The following RANBP2 variants were observed in gnomAD, a reference collection of about 807,000 sequenced individuals.
RANBP2 encodes E3 SUMO-protein ligase RanBP2.
Under a neutral mutation model 303.6 loss-of-function variants are expected in RANBP2, and 57 were observed. The ratio of observed to expected loss-of-function variants is 0.19; its 90% confidence interval spans 0.15 to 0.23. The LOEUF (loss-of-function observed/expected upper bound fraction) is 0.23, where lower values mean the gene tolerates loss of function less well. Ranked by LOEUF, RANBP2 falls within the 10% of genes least tolerant of loss-of-function variation. The pLI is 1.00. For synonymous variants in RANBP2, 1,167 were observed against 1,301.5 expected, an observed-to-expected ratio of 0.90 and a Z score of 2.23; for missense variants, 3,138 against 3,780.8, an observed-to-expected ratio of 0.83 and a Z score of 4.46.
At chr2:109,659,324 A>G in the RANBP2 span, among the ~76,000 whole-genome samples, 1 of 152,070 alleles carries the variant, frequency 6.6e-6, no homozygotes, top group Non-Finnish European at 1.5e-5. Flanking sequence ...GCAGTGAGCC[A>G]AGATCACGCC....
the RANBP2 span, among the ~76,000 whole-genome samples, chr2:109,150,668 T>A: frequency 6.6e-6 from 1 of 152,034 alleles, no homozygotes; most frequent in Non-Finnish European, 1.5e-5. Context: ...TGCCTCTGGT[T>A]CCAGTCTGGC....
chr2:109,146,406 TTCTGTGGAG>T, the RANBP2 span, among the ~76,000 whole-genome samples: 2 of 152,148 alleles, frequency 1.3e-5, no homozygotes, highest in East Asian at 3.9e-4. Context: ...ACTGGCCCAT[TTCTGTGGAG>T]TCTGTGGAGT....
the RANBP2 span, among the ~76,000 whole-genome samples, chr2:109,654,879 G>A: frequency 3.3e-5 from 5 of 151,888 alleles, no homozygotes; most frequent in Admixed American, 3.3e-4. Context: ...AATTTGTAAA[G>A]GGAGGTGATC....
chr2:109,045,509 C>G, the RANBP2 span, among the ~76,000 whole-genome samples: 4 of 152,108 alleles, frequency 2.6e-5, no homozygotes, highest in Non-Finnish European at 5.9e-5. Flanking sequence ...AGGACAGCGA[C>G]CGCTCCCTCA....
chr2:109,106,000 C>T, the RANBP2 span, among the ~76,000 whole-genome samples: 20 of 151,658 alleles, frequency 1.3e-4, no homozygotes, highest in Non-Finnish European at 2.7e-4. Context: ...ACTACAAGCA[C>T]GTGCCACCAT....
chr2:108,845,863 G>A, the RANBP2 span, among the ~76,000 whole-genome samples: 3 of 152,050 alleles, frequency 2.0e-5, no homozygotes, highest in East Asian at 5.8e-4. Flanking sequence ...GAGCCACCGC[G>A]CCCAGCCTCA....
chr2:109,481,302 G>A, the RANBP2 span, among the ~76,000 whole-genome samples: 23 of 152,358 alleles, frequency 1.5e-4, no homozygotes, highest in Non-Finnish European at 2.6e-4. Context: ...TCTGCTGGCA[G>A]CTGGAGGGTG....
the RANBP2 span, chr2:109,564,527 AT>A: frequency 1.3e-6 from 2 of 1,506,318 alleles, no homozygotes; most frequent in Middle Eastern, 1.8e-4. Context: ...AGTGGTTTTC[AT>A]TTTCCACTAG....
chr2:108,732,196 TA>T (rs990903081), intron 4 of RANBP2, among the ~76,000 whole-genome samples: 1 of 152,210 alleles, frequency 6.6e-6, no homozygotes, highest in African/African-American at 2.4e-5. Flanking sequence ...GATAGGAATT[TA>T]AAAAATTTTA....
the RANBP2 span, among the ~76,000 whole-genome samples, chr2:109,726,099 T>G: frequency 0.015 from 996 of 66,010 alleles, 8 homozygotes; most frequent in Non-Finnish European, 0.029. Context: ...GTGTGTGTGT[T>G]TGTGTTTTCC....
chr2:109,411,062 G>C, the RANBP2 span, among the ~76,000 whole-genome samples: 3 of 152,184 alleles, frequency 2.0e-5, no homozygotes, highest in Non-Finnish European at 4.4e-5. Flanking sequence ...CAGAGAGGTG[G>C]CTCGTGGTTA....
the RANBP2 span, among the ~76,000 whole-genome samples, chr2:109,403,156 G>T: frequency 1.3e-5 from 2 of 152,220 alleles, no homozygotes; most frequent in South Asian, 2.1e-4. Flanking sequence ...AGGCACAGGG[G>T]ACACTTCCCT....
At chr2:109,398,801 G>A in the RANBP2 span, 8 of 1,613,852 alleles carry the variant, frequency 5.0e-6, no homozygotes, top group East Asian at 4.5e-5. Flanking sequence ...ACCGCGCTCA[G>A]TGTGACGCAC....
At chr2:109,633,700 C>T in the RANBP2 span, among the ~76,000 whole-genome samples, 2 of 152,118 alleles carry the variant, frequency 1.3e-5, no homozygotes, top group African/African-American at 4.8e-5. Context: ...CAAGATAAAA[C>T]GGAAACCCAG....
chr2:109,001,351 T>C, the RANBP2 span, among the ~76,000 whole-genome samples: 13 of 152,128 alleles, frequency 8.5e-5, no homozygotes, highest in African/African-American at 3.1e-4. Flanking sequence ...CCAGGACACG[T>C]GGGGTCACAG....
chr2:109,540,912 C>G, the RANBP2 span, among the ~76,000 whole-genome samples: 1 of 151,958 alleles, frequency 6.6e-6, no homozygotes, highest in Non-Finnish European at 1.5e-5. Context: ...AGACTGTTCT[C>G]TTGTAAACTA....
At chr2:109,582,319 G>GT in the RANBP2 span, among the ~76,000 whole-genome samples, 3 of 151,918 alleles carry the variant, frequency 2.0e-5, no homozygotes, top group Non-Finnish European at 4.4e-5. Context: ...CGCTATTGCT[G>GT]TTTTTTTGTT....
chr2:109,339,380 A>T, the RANBP2 span, among the ~76,000 whole-genome samples: 2 of 152,120 alleles, frequency 1.3e-5, no homozygotes, highest in Non-Finnish European at 2.9e-5. Context: ...CCTACAAGGA[A>T]TCCTCTGCCT....
chr2:109,411,928 G>T, the RANBP2 span, among the ~76,000 whole-genome samples: 2 of 152,054 alleles, frequency 1.3e-5, no homozygotes, highest in South Asian at 4.1e-4. Flanking sequence ...AGTGAAGCCG[G>T]CAGAATGTCT....
Sources: gnomAD v4.1 joint callset for allele counts (sites outside exome capture counted in the v4.1 genomes callset) on GRCh38, gnomAD v4.1.1 for gene constraint, MANE v1.5 for transcripts, NCBI Gene and HGNC (gene_info 2026-07-23, HGNC 2026-07-21) for gene names.